The following CDH12 variants were observed in gnomAD, a reference collection of about 807,000 sequenced individuals.
CDH12 encodes cadherin 12, also known as cadherin-12.
A neutral mutation model predicts 74.1 loss-of-function variants in CDH12; 41 were observed. That is an observed-to-expected ratio of 0.55 (90% CI 0.43 to 0.72). CDH12 has a LOEUF of 0.72. Ranked by LOEUF, CDH12 falls within the 30% of genes least tolerant of loss-of-function variation. The pLI, the probability that CDH12 is intolerant of heterozygous loss-of-function variation, is 0.00. For synonymous variants in CDH12, 399 were observed against 355.0 expected (o/e 1.12, Z -1.39); for missense variants, 945 against 977.2 (o/e 0.97, Z 0.44).
chr5:22,298,705 T>A (rs903832798), intron 3 of CDH12, among the ~76,000 whole-genome samples: 1 of 152,144 alleles, frequency 6.6e-6, no homozygotes, highest in Non-Finnish European at 1.5e-5. Flanking sequence ...TGTAAATACC[T>A]CCTAGCTGCC....
chr5:22,252,723 A>G (rs1226821583), intron 3 of CDH12, among the ~76,000 whole-genome samples: 2 of 151,432 alleles, frequency 1.3e-5, no homozygotes, highest in Non-Finnish European at 3.0e-5. Flanking sequence ...AGGGTCCTTT[A>G]TGTTTGCTAT....
chr5:22,270,608 T>A (rs74672361), intron 3 of CDH12, among the ~76,000 whole-genome samples: 53,946 of 145,056 alleles, frequency 0.37, 10,843 homozygotes, highest in Admixed American at 0.47. Flanking sequence ...AAAAAAAATA[T>A]ATATATATAT....
At chr5:21,978,501 T>C (rs1757164304) in intron 5 of CDH12, among the ~76,000 whole-genome samples, 1 of 152,194 alleles carries the variant, frequency 6.6e-6, no homozygotes, top group East Asian at 1.9e-4. Flanking sequence ...AGGGTAAATA[T>C]ATATAAATAC....
intron 1 of CDH12, among the ~76,000 whole-genome samples, chr5:22,708,640 C>T (rs150747709): frequency 6.1e-4 from 93 of 151,938 alleles, no homozygotes; most frequent in African/African-American, 2.2e-3. Flanking sequence ...TGGTGGGGGC[C>T]GTGGGTGTGC....
intron 3 of CDH12, among the ~76,000 whole-genome samples, chr5:22,282,792 G>T (rs911604082): frequency 1.3e-5 from 2 of 152,116 alleles, no homozygotes; most frequent in African/African-American, 4.8e-5. Flanking sequence ...CTGTTGGTGG[G>T]AGTATAAATT....
chr5:21,944,798 T>C (rs189676413), intron 6 of CDH12, among the ~76,000 whole-genome samples: 2,055 of 152,126 alleles, frequency 0.014, 20 homozygotes, highest in Non-Finnish European at 0.022. Context: ...CAAAGATATG[T>C]AACTCAGTAC....
intron 3 of CDH12, among the ~76,000 whole-genome samples, chr5:22,246,242 G>C (rs1752940072): frequency 6.6e-6 from 1 of 152,042 alleles, no homozygotes; most frequent in South Asian, 2.1e-4. Flanking sequence ...TCTGTGTAAG[G>C]CACTGGAGAA....
intron 1 of CDH12, among the ~76,000 whole-genome samples, chr5:22,520,170 G>C (rs932215996): frequency 6.6e-6 from 1 of 152,066 alleles, no homozygotes; most frequent in African/African-American, 2.4e-5. Flanking sequence ...GTCCTAGCCA[G>C]TACCAGCTCA....
intron 1 of CDH12, among the ~76,000 whole-genome samples, chr5:22,757,790 CA>C (rs1247878750): frequency 6.6e-6 from 1 of 152,102 alleles, no homozygotes; most frequent in Non-Finnish European, 1.5e-5. Context: ...GAATTGGTCC[CA>C]AAAGAAATCC....
chr5:22,798,717 A>G (rs2126409501), intron 1 of CDH12, among the ~76,000 whole-genome samples: 1 of 152,348 alleles, frequency 6.6e-6, no homozygotes. Context: ...ACAAATGAAT[A>G]TTCTTACTTA....
intron 1 of CDH12, among the ~76,000 whole-genome samples, chr5:22,637,672 C>T (rs749981367): frequency 6.6e-5 from 10 of 152,216 alleles, no homozygotes; most frequent in Non-Finnish European, 8.8e-5. Flanking sequence ...AATTGACAAA[C>T]TGGTGTGTTT....
At chr5:22,605,666 A>T (rs1339139069) in intron 1 of CDH12, among the ~76,000 whole-genome samples, 1 of 152,240 alleles carries the variant, frequency 6.6e-6, no homozygotes, top group African/African-American at 2.4e-5. Flanking sequence ...GGGCACACCG[A>T]CAGCTTGTCC....
chr5:22,584,420 C>A (rs1387323666), intron 1 of CDH12, among the ~76,000 whole-genome samples: 1 of 151,990 alleles, frequency 6.6e-6, no homozygotes, highest in African/African-American at 2.4e-5. Flanking sequence ...TTTTTTAATT[C>A]TGTGTTTTTA....
chr5:21,993,106 C>A (rs1350704191), intron 5 of CDH12, among the ~76,000 whole-genome samples: 1 of 152,090 alleles, frequency 6.6e-6, no homozygotes, highest in Admixed American at 6.6e-5. Flanking sequence ...GCCCCTCCTC[C>A]AACATGTGGA....
chr5:22,057,651 C>T (rs10473567), intron 5 of CDH12, among the ~76,000 whole-genome samples: 6,076 of 152,198 alleles, frequency 0.04, 394 homozygotes, highest in African/African-American at 0.13. Flanking sequence ...AATGGCTTTC[C>T]TCTATCCTCT....
intron 3 of CDH12, among the ~76,000 whole-genome samples, chr5:22,234,740 C>T (rs1481841672): frequency 1.3e-5 from 2 of 151,552 alleles, no homozygotes; most frequent in African/African-American, 4.9e-5. Context: ...GTCTATCCAT[C>T]TCTCCATTTA....
chr5:22,707,527 G>A (rs1276125766), intron 1 of CDH12, among the ~76,000 whole-genome samples: 1 of 152,082 alleles, frequency 6.6e-6, no homozygotes, highest in Non-Finnish European at 1.5e-5. Flanking sequence ...TATCATCAGT[G>A]TCATTTATGA....
rs1449432528 is a variant in CDH12, at chr5:22,087,399, T to C, written c.-186-8537A>G. Among the ~76,000 whole-genome samples the C allele has an allele frequency of 2.6e-5, 4 of 151,958 alleles. No homozygotes were observed. The East Asian group carries it at 7.8e-4, about 30-fold the overall frequency. On this transcript the variant is annotated intron_variant, in intron 4 of 14. Coordinates refer to ENST00000382254, the MANE Select transcript of CDH12 (RefSeq NM_004061.5). The stretch of plus-strand genomic sequence containing the variant: ...TCACACCTCTAATCCCAACACTCTG[T>C]GGGGCCGAGGCAAGCAGATCACTTG...
chr5:22,176,002 G>A (rs1328330856), intron 4 of CDH12, among the ~76,000 whole-genome samples: 13 of 148,446 alleles, frequency 8.8e-5, no homozygotes, highest in African/African-American at 3.0e-4. Context: ...TCTCCTTCCC[G>A]GAACCCTTTC....
Sources: gnomAD v4.1 joint callset for allele counts (sites outside exome capture counted in the v4.1 genomes callset) on GRCh38, gnomAD v4.1.1 for gene constraint, MANE v1.5 for transcripts, NCBI Gene and HGNC (gene_info 2026-07-23, HGNC 2026-07-21) for gene names.